Variants in RPS6KA2 observed in about 807,000 individuals in gnomAD.
RPS6KA2 encodes ribosomal protein S6 kinase A2, also known as ribosomal protein S6 kinase alpha-2.
In RPS6KA2, 42 loss-of-function variants were observed where a neutral mutation model predicts 91.8. That is an observed-to-expected ratio of 0.46 (90% CI 0.36 to 0.59). The LOEUF is 0.59. RPS6KA2 is among the 20% of genes least tolerant of loss of function. The pLI, the probability that RPS6KA2 is intolerant of heterozygous loss-of-function variation, is 0.00. For synonymous variants in RPS6KA2, 414 were observed against 393.6 expected, an observed-to-expected ratio of 1.05 and a Z score of -0.61; for missense variants, 798 against 978.5, an observed-to-expected ratio of 0.82 and a Z score of 2.46.
rs1780781181 is a variant in RPS6KA2, at chr6:166,852,857, G to A, written c.123+5343C>T. ...CCTTGGCTCAAAGAGACTGTCATCT[G>A]GCAGCCGAAACCCTGTGATCCCCGT... On this transcript the variant is annotated intron_variant, in intron 2 of 21. Transcript: ENST00000503859. The surrounding 1 kb of genome is among the most constrained non-coding windows in gnomAD (Gnocchi z 4.1). 6.6e-6 allele frequency among the ~76,000 whole-genome samples: 1 copy of A among 152,090 alleles called. No individual in the cohort carries two copies. Among genetic ancestry groups the A allele is most frequent in the South Asian group, 2.1e-4 (1 of 4,820 alleles).
At chr6:166,628,114 G>A (rs1043917531), upstream of RPS6KA2, 1 of 152,286 alleles carries the variant, frequency 6.6e-6, no homozygotes, top group Non-Finnish European at 1.5e-5. Flanking sequence ...CCCGCGCTGG[G>A]AATACCCGGG....
At chr6:166,810,618 C>T (rs917312070) in intron 2 of RPS6KA2, among the ~76,000 whole-genome samples, 4 of 152,122 alleles carry the variant, frequency 2.6e-5, no homozygotes, top group Admixed American at 6.5e-5. Flanking sequence ...CTTTGTGGGT[C>T]GAGGCTGTCT....
chr6:166,765,812 A>C (rs1427988240), intron 2 of RPS6KA2, among the ~76,000 whole-genome samples: 1 of 152,206 alleles, frequency 6.6e-6, no homozygotes, highest in Admixed American at 6.5e-5. Context: ...ACTCACAGTA[A>C]TATAAAGAAA....
rs1441849122 is a variant in RPS6KA2, at chr6:166,563,743, GC to G, written c.100-24960del. ...ATTTCAGCAATTGATAAGTAACTCA[GC>G]TTTTATGGGCTGGACCTTTAGGGTA... On this transcript the variant is annotated intron_variant, in intron 1 of 20. Transcript: ENST00000265678. This position sits in a 1 kb window ranked among gnomAD's most constrained non-coding sequence, Gnocchi z 4.1. Among the ~76,000 whole-genome samples the G allele has an allele frequency of 6.6e-6, 1 of 152,192 alleles. No homozygotes were observed. The highest frequency in any genetic ancestry group is 1.5e-5 in the Non-Finnish European group (1 of 68,038).
chr6:166,838,656 G>A (rs1442431530), intron 2 of RPS6KA2, among the ~76,000 whole-genome samples: 1 of 152,190 alleles, frequency 6.6e-6, no homozygotes, highest in Non-Finnish European at 1.5e-5. Context: ...ATACACAGCA[G>A]TCCTTCCCAG....
chr6:166,851,267 G>T (rs897951970), intron 2 of RPS6KA2, among the ~76,000 whole-genome samples: 1 of 152,136 alleles, frequency 6.6e-6, no homozygotes, highest in Non-Finnish European at 1.5e-5. Flanking sequence ...AGACCTGGGA[G>T]GCCTTACAGA....
At chr6:166,483,896 G>A (rs930111559) in intron 10 of RPS6KA2, among the ~76,000 whole-genome samples, 2 of 152,262 alleles carry the variant, frequency 1.3e-5, no homozygotes, top group South Asian at 2.1e-4. Flanking sequence ...TGACAGGTGC[G>A]CATGCTTGGC....
chr6:166,548,241 C>T (rs2128499122), intron 1 of RPS6KA2, among the ~76,000 whole-genome samples: 1 of 152,292 alleles, frequency 6.6e-6, no homozygotes, highest in African/African-American at 2.4e-5. Context: ...GTCATGTTGA[C>T]AGCTCAGAAG....
intron 13 of RPS6KA2, among the ~76,000 whole-genome samples, chr6:166,449,834 C>A (rs1313521307): frequency 6.6e-6 from 1 of 150,698 alleles, no homozygotes; most frequent in Non-Finnish European, 1.5e-5. Flanking sequence ...ACAGGGACCA[C>A]CACGGGACAA....
At chr6:166,773,265 G>A (rs904897634) in intron 2 of RPS6KA2, among the ~76,000 whole-genome samples, 8 of 152,196 alleles carry the variant, frequency 5.3e-5, no homozygotes, top group African/African-American at 1.9e-4. Context: ...AGGAGAGGGG[G>A]AAGAGGGGTC....
intron 2 of RPS6KA2, among the ~76,000 whole-genome samples, chr6:166,682,973 G>A (rs1437309757): frequency 6.6e-6 from 1 of 152,162 alleles, no homozygotes; most frequent in Non-Finnish European, 1.5e-5. Context: ...GGTAAGTGAA[G>A]GCATGAATGA....
intron 2 of RPS6KA2, among the ~76,000 whole-genome samples, chr6:166,803,882 A>G (rs1166701820): frequency 6.6e-6 from 1 of 152,248 alleles, no homozygotes; most frequent in African/African-American, 2.4e-5. Context: ...AAACTGGCTG[A>G]AAATTGCTTT....
At chr6:166,462,643 C>G (rs1780361223) in intron 11 of RPS6KA2, among the ~76,000 whole-genome samples, 1 of 152,212 alleles carries the variant, frequency 6.6e-6, no homozygotes, top group Non-Finnish European at 1.5e-5. Context: ...TGCGAGTCAC[C>G]TGGGATGCCC....
chr6:166,625,189 A>T (rs560848794), intron 1 of RPS6KA2, among the ~76,000 whole-genome samples: 216 of 152,320 alleles, frequency 1.4e-3, no homozygotes, highest in African/African-American at 5.1e-3. Context: ...GCACACAGGA[A>T]GCACTAATTG....
At chr6:166,587,123 G>T (rs1785200587) in intron 1 of RPS6KA2, among the ~76,000 whole-genome samples, 1 of 152,210 alleles carries the variant, frequency 6.6e-6, no homozygotes, top group South Asian at 2.1e-4. Flanking sequence ...CAGTCATCAG[G>T]AACCCTGACA....
intron 3 of RPS6KA2, among the ~76,000 whole-genome samples, chr6:166,526,341 CTTTTT>C (rs10616497): frequency 4.2e-4 from 43 of 101,870 alleles, no homozygotes; most frequent in African/African-American, 1.5e-3. Context: ...GTTTATATGG[CTTTTT>C]TTTTTTTTTT....
chr6:166,587,086 C>T (rs1785199696), intron 1 of RPS6KA2, among the ~76,000 whole-genome samples: 1 of 152,240 alleles, frequency 6.6e-6, no homozygotes, highest in African/African-American at 2.4e-5. Flanking sequence ...CTGGGTCCCC[C>T]AAATCCCCAT....
Position 166,435,991 on chromosome 6 carries a change from T to C in RPS6KA2, c.1333-3501A>G, listed in dbSNP as rs1245844217. On this transcript the variant is annotated intron_variant, in intron 14 of 20. Coordinates refer to ENST00000265678, the MANE Select transcript of RPS6KA2 (RefSeq NM_021135.6). The surrounding 1 kb of genome is among the most constrained non-coding windows in gnomAD (Gnocchi z 4.3). ...TCCCTGGGCCTCTCTACACCTAGCTTTCTTCATCTGTAAAACTAGAAAACA... is the reference window on the plus strand; with the variant it reads ...TCCCTGGGCCTCTCTACACCTAGCTCTCTTCATCTGTAAAACTAGAAAACA... Among the ~76,000 whole-genome samples, 3 of 152,214 alleles carry C rather than the reference T, an allele frequency of 2.0e-5. No homozygotes were observed. The highest frequency in any genetic ancestry group is 4.4e-5 in the Non-Finnish European group (3 of 68,036).
chr6:166,625,833 A>G (rs1786852566), intron 1 of RPS6KA2, among the ~76,000 whole-genome samples: 1 of 152,160 alleles, frequency 6.6e-6, no homozygotes. Flanking sequence ...AGTACTTCCA[A>G]TTCTGATTTA....
Sources: allele counts gnomAD v4.1 joint callset (sites outside exome capture counted in the v4.1 genomes callset), GRCh38; gene constraint gnomAD v4.1.1; non-coding constraint Gnocchi (gnomAD v3.1); transcripts MANE v1.5; gene names NCBI Gene and HGNC (gene_info 2026-07-23, HGNC 2026-07-21).